PLAGL1: variants seen among roughly 807,000 people sequenced by gnomAD.
The protein encoded by PLAGL1 is PLAG1 like zinc finger 1.
PLAGL1 carries 1 observed loss-of-function variant against 4.6 expected under a neutral mutation model. That is an observed-to-expected ratio of 0.22 (90% CI 0.08 to 1.03). The LOEUF (loss-of-function observed/expected upper bound fraction) is 1.03. PLAGL1 is among the 50% of genes least tolerant of loss of function. The pLI is 0.58. For missense variants in PLAGL1, 464 were observed against 570.4 expected (o/e 0.81, Z 1.90); for synonymous variants, 240 against 237.8 (o/e 1.01, Z -0.08).
In PLAGL1 at chr6:143,964,728, C is replaced by T. The variant is rs1207876669; in HGVS notation, c.-399+59G>A. ...AGGGCAGCAGGCTTATGCTTTAAAC[C>T]CCTGAGGCAGATAGAGAAGGAAGGA... On this transcript the variant is annotated intron_variant, in intron 5 of 7. Transcript: ENST00000674357. The surrounding 1 kb of genome is among the most constrained non-coding windows in gnomAD (Gnocchi z 4.3). 1.3e-5 allele frequency: 2 copies of T among 152,218 alleles called. No homozygotes were observed. Among genetic ancestry groups the T allele is most frequent in the Admixed American group, 6.6e-5 (1 of 15,266 alleles). 9.4% of individuals were successfully genotyped at this position (152,218 alleles called of 1,614,324 possible).
rs1168818487 is a variant in PLAGL1 at position 144,048,939 on chromosome 6, A to G, written c.-151+15529T>C. 6.6e-6 allele frequency among the ~76,000 whole-genome samples: 1 copy of G among 152,204 alleles called. No individual in the cohort carries two copies. The highest frequency in any genetic ancestry group is 2.4e-5 in the African/African-American group (1 of 41,452). ...TTTTAAATCCAAATTCCAATTTCAA[A>G]CCATCTCTTTGTGAATGCATAAGAT... On this transcript the variant is annotated intron_variant, in intron 1 of 3. Coordinates refer to the PLAGL1 transcript ENST00000437412. The surrounding 1 kb of genome is among the most constrained non-coding windows in gnomAD (Gnocchi z 4.8).
chr6:144,040,028 T>C (rs1797602655), intron 1 of PLAGL1, among the ~76,000 whole-genome samples: 1 of 151,626 alleles, frequency 6.6e-6, no homozygotes, highest in African/African-American at 2.4e-5. Context: ...CATATACAAA[T>C]GTCAGGGAAA....
intron 1 of PLAGL1, among the ~76,000 whole-genome samples, chr6:144,031,137 TTGTATATCTTCTTTTGAGAA>T (rs1465511757): frequency 6.6e-6 from 1 of 152,210 alleles, no homozygotes; most frequent in African/African-American, 2.4e-5. Context: ...TGTTGGCCAT[TTGTATATCTTCTTTTGAGAA>T]TTGTCTATGG....
At position 143,982,164 on chromosome 6, in the gene PLAGL1, A is replaced by C. The variant is rs1164211334; in HGVS notation, c.-544+2971T>G. Among the ~76,000 whole-genome samples the C allele has an allele frequency of 6.6e-6, 1 of 150,426 alleles. No individual in the cohort carries two copies. Among genetic ancestry groups the C allele is most frequent in the African/African-American group, 2.5e-5 (1 of 40,712 alleles). ...AAATATGTATCAGATGGTGATTTTA[A>C]AAAAAAAAGTAATGAAGAGACAGGA... is the stretch of plus-strand genomic sequence containing the variant. On this transcript the variant is annotated intron_variant, in intron 2 of 7. Coordinates refer to ENST00000674357, the MANE Select transcript of PLAGL1 (RefSeq NM_001317162.2). The surrounding 1 kb of genome is among the most constrained non-coding windows in gnomAD (Gnocchi z 5.3).
intron 1 of PLAGL1, among the ~76,000 whole-genome samples, chr6:144,032,652 C>T (rs1796918958): frequency 6.6e-6 from 1 of 152,168 alleles, no homozygotes; most frequent in South Asian, 2.1e-4. Flanking sequence ...ACGTCCGCCT[C>T]CTGGGCTCTA....
At position 144,036,619 on chromosome 6, in the gene PLAGL1, C is replaced by A. The variant is rs35096174; in HGVS notation, c.-151+27849G>T. The A allele has an allele frequency of 0.053, 10,693 of 201,666 alleles. 382 individuals carry two copies. The highest frequency in any genetic ancestry group is 0.082 in the Non-Finnish European group (8,098 of 98,900). The allele number at this position is 201,666 out of a possible 1,614,324, so 12.5% of individuals were successfully genotyped here. ...GACATCTAGGGGCCAACTCTAGGAA[C>A]ATGTGTTTCTTATTCAGAATAGCTT... On this transcript the variant is annotated intron_variant, in intron 1 of 3. Transcript: ENST00000437412. The surrounding 1 kb of genome is among the most constrained non-coding windows in gnomAD (Gnocchi z 5.1).
At chr6:144,040,318 C>G (rs1797625853) in intron 1 of PLAGL1, among the ~76,000 whole-genome samples, 2 of 151,098 alleles carry the variant, frequency 1.3e-5, no homozygotes, top group Non-Finnish European at 2.9e-5. Context: ...CGCTTAAACC[C>G]GGGAGTTCAA....
At chr6:144,052,026 T>C (rs1172972809) in intron 1 of PLAGL1, among the ~76,000 whole-genome samples, 1 of 152,236 alleles carries the variant, frequency 6.6e-6, no homozygotes, top group African/African-American at 2.4e-5. Context: ...TGAGATTTAT[T>C]TTTATTTTTA....
intron 1 of PLAGL1, among the ~76,000 whole-genome samples, chr6:144,023,313 T>C (rs1019553324): frequency 6.6e-5 from 10 of 152,136 alleles, no homozygotes; most frequent in Non-Finnish European, 1.5e-4. Context: ...GATAACATAG[T>C]GGTGGATACA....
chr6:144,002,481 C>A (rs2328538), intron 1 of PLAGL1, among the ~76,000 whole-genome samples: 57,001 of 151,972 alleles, frequency 0.38, 10,800 homozygotes, highest in Non-Finnish European at 0.42. Flanking sequence ...CATATTTAAA[C>A]CATTTTTTTT....
rs1796388236 is a variant in PLAGL1, at chr6:144,027,021, G to A, written c.-151+37447C>T. Among the ~76,000 whole-genome samples the A allele has an allele frequency of 6.6e-6, 1 of 151,842 alleles. No individual in the cohort carries two copies. The highest frequency in any genetic ancestry group is 2.4e-5 in the African/African-American group (1 of 41,308). On this transcript the variant is annotated intron_variant, in intron 1 of 3. Transcript: ENST00000437412. The surrounding 1 kb of genome is among the most constrained non-coding windows in gnomAD (Gnocchi z 5.8). ...GAGTCCAGGAGTTCAAGACCAGTGT[G>A]GGTAAAAAAGTAAGACCCCACCCCC...
In PLAGL1 at chr6:143,950,873, A is replaced by G. The variant is rs1780919389; in HGVS notation, c.-324-2413T>C. Reference sequence around the variant, plus strand: ...CAAAATGTGCCTCTGAGAAACTGAAACTTTTACTTTATTTAACTTTAATTT... The same window carrying G: ...CAAAATGTGCCTCTGAGAAACTGAAGCTTTTACTTTATTTAACTTTAATTT... On this transcript the variant is annotated intron_variant, in intron 6 of 7. Transcript: ENST00000674357. This position sits in a 1 kb window ranked among gnomAD's most constrained non-coding sequence, Gnocchi z 6.3. Among the ~76,000 whole-genome samples the G allele has an allele frequency of 2.0e-5, 3 of 152,186 alleles. No homozygotes were observed. The South Asian group carries it at 6.2e-4, about 31-fold the overall frequency.
chr6:144,008,422 G>T (rs1449035466), upstream of PLAGL1: 1 of 151,928 alleles, frequency 6.6e-6, no homozygotes, highest in East Asian at 1.9e-4. The surrounding 1 kb of genome is among the most constrained non-coding windows in gnomAD (Gnocchi z 6.9). Flanking sequence ...GGAACGGCGC[G>T]GCCGCGAGGA....
In PLAGL1 at chr6:144,039,816, C is replaced by A. The variant is rs1184485523; in HGVS notation, c.-151+24652G>T. Among the ~76,000 whole-genome samples the A allele has an allele frequency of 2.6e-5, 4 of 152,082 alleles. No homozygotes were observed. Among genetic ancestry groups the A allele is most frequent in the African/African-American group, 7.2e-5 (3 of 41,402 alleles). On this transcript the variant is annotated intron_variant, in intron 1 of 3. Transcript: ENST00000437412. This position sits in a 1 kb window ranked among gnomAD's most constrained non-coding sequence, Gnocchi z 4.1. The stretch of plus-strand genomic sequence containing the variant: ...GCATATGTACACCAAGATATATCTG[C>A]AAGAATGTTCACAGCAAATCTCTTT...
chr6:144,036,649 TTTTG>T lies in PLAGL1; in HGVS notation c.-151+27815_-151+27818del, dbSNP rs1797268682. ...GTTTCTTATTCAGAATAGCTTTTTG[TTTTG>T]TTTGTTTTAACTTGTGAGGCTTCTT... On this transcript the variant is annotated intron_variant, in intron 1 of 3. Transcript: ENST00000437412. The surrounding 1 kb of genome is among the most constrained non-coding windows in gnomAD (Gnocchi z 5.1). 9.9e-6 allele frequency: 2 copies of T among 202,022 alleles called. No homozygotes were observed. The highest frequency in any genetic ancestry group is 2.0e-5 in the Non-Finnish European group (2 of 99,534). 12.5% of individuals were successfully genotyped at this position (202,022 alleles called of 1,614,324 possible).
chr6:144,037,006 T>G (rs1158681701), intron 1 of PLAGL1: 1 of 167,466 alleles, frequency 6.0e-6, no homozygotes, highest in Admixed American at 6.5e-5. Flanking sequence ...TCTTAAATCT[T>G]TCCTTCGCAC....
At position 144,039,748 on chromosome 6, in the gene PLAGL1, T is replaced by G. The variant is rs9403546; in HGVS notation, c.-151+24720A>C. Among the ~76,000 whole-genome samples the G allele has an allele frequency of 6.2e-4, 94 of 152,312 alleles. 1 individual carries two copies. The East Asian group carries it at 0.014, about 22-fold the overall frequency. The stretch of plus-strand genomic sequence containing the variant: ...ATACAAAGGGGTATATACTAAATGC[T>G]ACAGAAATTCCATTCCTGGGTATAA... On this transcript the variant is annotated intron_variant, in intron 1 of 3. Transcript: ENST00000437412. This position sits in a 1 kb window ranked among gnomAD's most constrained non-coding sequence, Gnocchi z 4.1.
In PLAGL1 at chr6:143,952,623, CA is replaced by C. The variant is rs1781307063; in HGVS notation, c.-324-4164del. 1.3e-5 allele frequency among the ~76,000 whole-genome samples: 2 copies of C among 152,076 alleles called. No homozygotes were observed. The highest frequency in any genetic ancestry group is 6.6e-5 in the Admixed American group (1 of 15,262). On this transcript the variant is annotated intron_variant, in intron 6 of 7. Transcript: ENST00000674357. This position sits in a 1 kb window ranked among gnomAD's most constrained non-coding sequence, Gnocchi z 6.1. ...CAGGAAAGACTGTGTTCCCAGGGGA[CA>C]GGGGTATACGAGGGTGGAGGGGGGA...
In PLAGL1 at chr6:143,959,842, A is replaced by G. The variant is rs978426230; in HGVS notation, c.-325+627T>C. On this transcript the variant is annotated intron_variant, in intron 6 of 7. Coordinates refer to ENST00000674357, the MANE Select transcript of PLAGL1 (RefSeq NM_001317162.2). This position sits in a 1 kb window ranked among gnomAD's most constrained non-coding sequence, Gnocchi z 5.3. ...TAATATCATTACTGGTGATGATGAT[A>G]ATGATGATGAACAGAGGTTGCTCCC... Among the ~76,000 whole-genome samples, 6 of 152,190 alleles carry G rather than the reference A, an allele frequency of 3.9e-5. No homozygotes were observed. Among genetic ancestry groups the G allele is most frequent in the African/African-American group, 1.4e-4 (6 of 41,438 alleles).
Sources: allele counts gnomAD v4.1 joint callset (sites outside exome capture counted in the v4.1 genomes callset), GRCh38; gene constraint gnomAD v4.1.1; non-coding constraint Gnocchi (gnomAD v3.1); transcripts MANE v1.5; gene names NCBI Gene and HGNC (gene_info 2026-07-23, HGNC 2026-07-21).